The following NCKAP5 variants were observed in gnomAD, a reference collection of about 807,000 sequenced individuals.
The protein encoded by NCKAP5 is NCK associated protein 5, also known as nck-associated protein 5.
A neutral mutation model predicts 167.0 loss-of-function variants in NCKAP5; 92 were observed. That is an observed-to-expected ratio of 0.55 (90% CI 0.47 to 0.66). The LOEUF is 0.66. Ranked by LOEUF, NCKAP5 falls within the 30% of genes least tolerant of loss-of-function variation. The pLI is 0.00. For missense variants in NCKAP5, 2,378 were observed against 2,315.0 expected (o/e 1.03, Z -0.56); for synonymous variants, 891 against 877.4 (o/e 1.02, Z -0.27).
chr2:133,393,208 GT>G (rs1387474365), intron 3 of NCKAP5, among the ~76,000 whole-genome samples: 1 of 152,324 alleles, frequency 6.6e-6, no homozygotes, highest in East Asian at 1.9e-4. Context: ...AGAGATTCAA[GT>G]TGAAACCATT....
chr2:133,150,283 C>T (rs1178533689), intron 5 of NCKAP5, among the ~76,000 whole-genome samples: 2 of 152,146 alleles, frequency 1.3e-5, no homozygotes, highest in East Asian at 1.9e-4. Flanking sequence ...CATACTATAG[C>T]GGATACCTGC....
At chr2:133,593,601 G>T in the NCKAP5 span, among the ~76,000 whole-genome samples, 1 of 151,988 alleles carries the variant, frequency 6.6e-6, no homozygotes, top group Admixed American at 6.6e-5. Context: ...CTAATGTTTG[G>T]GTGCTATGGG....
chr2:133,384,969 A>T (rs919036810), intron 3 of NCKAP5, among the ~76,000 whole-genome samples: 1 of 152,164 alleles, frequency 6.6e-6, no homozygotes, highest in African/African-American at 2.4e-5. Context: ...GGTTTTCCAG[A>T]TATACAATCA....
the NCKAP5 span, among the ~76,000 whole-genome samples, chr2:133,578,287 C>T: frequency 6.6e-6 from 1 of 152,128 alleles, no homozygotes; most frequent in South Asian, 2.1e-4. Flanking sequence ...TTGCAGTGAC[C>T]CCATCTATCC....
chr2:133,412,107 T>C (rs1263226058), intron 3 of NCKAP5, among the ~76,000 whole-genome samples: 1 of 152,178 alleles, frequency 6.6e-6, no homozygotes, highest in Non-Finnish European at 1.5e-5. Context: ...ATTTTATATG[T>C]TGAAATTCTA....
chr2:133,278,340 T>G (rs2089812799), intron 4 of NCKAP5, among the ~76,000 whole-genome samples: 1 of 152,212 alleles, frequency 6.6e-6, no homozygotes, highest in Non-Finnish European at 1.5e-5. Flanking sequence ...AGAACTCATT[T>G]CTTTGCCTTT....
chr2:133,647,237 T>C, the NCKAP5 span, among the ~76,000 whole-genome samples: 1 of 151,560 alleles, frequency 6.6e-6, no homozygotes, highest in East Asian at 1.9e-4. Flanking sequence ...CTTAAGAGGC[T>C]GAGGTGGGAG....
intron 6 of NCKAP5, among the ~76,000 whole-genome samples, chr2:133,001,049 T>C (rs2077759597): frequency 6.6e-6 from 1 of 152,130 alleles, no homozygotes; most frequent in Non-Finnish European, 1.5e-5. Context: ...CTATAGGGAT[T>C]TGGACTGCAC....
intron 6 of NCKAP5, among the ~76,000 whole-genome samples, chr2:133,099,652 A>G (rs947754120): frequency 1.3e-5 from 2 of 152,174 alleles, no homozygotes; most frequent in African/African-American, 4.8e-5. Context: ...TCAGATAGAT[A>G]GTACTATATT....
intron 11 of NCKAP5, among the ~76,000 whole-genome samples, chr2:132,815,578 T>C (rs903691245): frequency 1.3e-5 from 2 of 152,202 alleles, no homozygotes; most frequent in Admixed American, 1.3e-4. Context: ...TGTGGGATGG[T>C]AAATTTATTT....
chr2:132,965,462 C>CTG, intron 7 of NCKAP5, among the ~76,000 whole-genome samples: 1 of 152,148 alleles, frequency 6.6e-6, no homozygotes, highest in Non-Finnish European at 1.5e-5. Context: ...TGTAAGTAAA[C>CTG]ACTAACTTAG....
At chr2:132,886,720 T>TGA (rs1217165095) in intron 8 of NCKAP5, among the ~76,000 whole-genome samples, 1 of 152,242 alleles carries the variant, frequency 6.6e-6, no homozygotes, top group African/African-American at 2.4e-5. Flanking sequence ...GAGAATATCA[T>TGA]GGCAATGATA....
intron 19 of NCKAP5, among the ~76,000 whole-genome samples, chr2:132,720,558 T>C (rs568642209): frequency 6.6e-6 from 1 of 152,274 alleles, no homozygotes; most frequent in African/African-American, 2.4e-5. Context: ...TTCCAAGTCA[T>C]GCTGTGACCA....
intron 6 of NCKAP5, among the ~76,000 whole-genome samples, chr2:133,034,758 C>T (rs762646111): frequency 2.6e-5 from 4 of 151,814 alleles, no homozygotes; most frequent in Non-Finnish European, 5.9e-5. Context: ...AACTAAAAAA[C>T]ATACAATGAA....
At chr2:133,551,323 A>G (rs577327086) in intron 2 of NCKAP5, among the ~76,000 whole-genome samples, 49 of 148,816 alleles carry the variant, frequency 3.3e-4, no homozygotes, top group Non-Finnish European at 4.9e-4. Flanking sequence ...TGGAGGCATC[A>G]CACTACCTGA....
In NCKAP5 at chr2:132,969,304, C is replaced by G. The variant is rs6726299; in HGVS notation, c.430-5435G>C. Among the ~76,000 whole-genome samples the G allele has an allele frequency of 5.2e-3, 786 of 152,290 alleles. 3 individuals carry two copies. Among genetic ancestry groups the G allele is most frequent in the African/African-American group, 0.018 (742 of 41,570 alleles). On this transcript the variant is annotated intron_variant, in intron 7 of 19. Transcript: ENST00000409261. ...CCACCCACCTCAGCCTCCCAAAGTG[C>G]TGGATTACAGGCATGATCCATACTG...
At chr2:132,772,702 C>T (rs368859518) in intron 16 of NCKAP5, among the ~76,000 whole-genome samples, 32 of 152,332 alleles carry the variant, frequency 2.1e-4, no homozygotes, top group South Asian at 1.9e-3. Flanking sequence ...AGACTACACT[C>T]TTTCAGCTGT....
chr2:133,078,566 G>A (rs976768581), intron 6 of NCKAP5, among the ~76,000 whole-genome samples: 5 of 152,096 alleles, frequency 3.3e-5, no homozygotes, highest in Admixed American at 3.3e-4. Flanking sequence ...GCAACTGGAA[G>A]AGCTGAAGAG....
At chr2:133,136,563 C>T (rs1459337929) in intron 5 of NCKAP5, among the ~76,000 whole-genome samples, 2 of 152,116 alleles carry the variant, frequency 1.3e-5, no homozygotes, top group Non-Finnish European at 2.9e-5. Flanking sequence ...GAGAAGTAAT[C>T]GCTATATGTC....
Sources: allele counts gnomAD v4.1 joint callset (sites outside exome capture counted in the v4.1 genomes callset), GRCh38; gene constraint gnomAD v4.1.1; transcripts MANE v1.5; gene names NCBI Gene and HGNC (gene_info 2026-07-23, HGNC 2026-07-21).